The following SFI1 variants were observed in gnomAD, a reference collection of about 807,000 sequenced individuals.
The protein encoded by SFI1 is SFI1 centrin binding protein, also known as protein SFI1 homolog.
Under a neutral mutation model 207.5 loss-of-function variants are expected in SFI1, and 195 were observed. That is an observed-to-expected ratio of 0.94 (90% CI 0.84 to 1.06). The LOEUF (loss-of-function observed/expected upper bound fraction) is 1.06, where lower values mean the gene tolerates loss of function less well. Ranked by LOEUF, SFI1 falls within the 50% of genes least tolerant of loss-of-function variation. SFI1 has a pLI of 0.00. For synonymous variants in SFI1, 630 were observed against 598.9 expected (o/e 1.05, Z -0.76); for missense variants, 1,634 against 1,588.0 (o/e 1.03, Z -0.49).
Position 31,602,613 on chromosome 22 carries a change from C to G in SFI1, c.1633C>G (p.Leu545Val). The change falls in exon 17 of 33, where the codon CTT (leucine) becomes GTT (valine). Residue 545 changes from leucine to valine, a missense_variant. Coordinates refer to ENST00000400288, the MANE Select transcript of SFI1 (RefSeq NM_001007467.3). ...CCTTCCTGTCCTGCCTCAGGCCATC[C>G]TTCACGCAGAGCGACAGCTTCTGTA... ...ENRLAERMAI[L>V]HAERQLLYRS... 6.2e-7 allele frequency: 1 copy of G among 1,614,168 alleles called. No individual in the cohort carries two copies. Among genetic ancestry groups the G allele is most frequent in the Non-Finnish European group, 8.5e-7 (1 of 1,180,028 alleles).
intron 2 of SFI1, among the ~76,000 whole-genome samples, chr22:31,511,894 C>T (rs1005656849): frequency 3.3e-5 from 5 of 152,016 alleles, no homozygotes; most frequent in African/African-American, 7.3e-5. Flanking sequence ...TCAAGTGATC[C>T]GCCTGTCTTG....
chr22:31,600,130 C>T (rs1179644681), intron 15 of SFI1, among the ~76,000 whole-genome samples: 1 of 152,166 alleles, frequency 6.6e-6, no homozygotes, highest in African/African-American at 2.4e-5. Context: ...TCAAGCAATC[C>T]TCCTGCCTCA....
At chr22:31,497,020 C>T (rs778390361) in intron 1 of SFI1, among the ~76,000 whole-genome samples, 2 of 152,332 alleles carry the variant, frequency 1.3e-5, no homozygotes, top group Middle Eastern at 3.4e-3. Context: ...GCTCCGTGGC[C>T]CAGGAGCGGA....
chr22:31,602,586 C>T, intron 16 of SFI1, 21 bp from the exon 17 acceptor site: 2 of 1,613,258 alleles, frequency 1.2e-6, no homozygotes, highest in Non-Finnish European at 1.7e-6. Flanking sequence ...ATTCTGTTCT[C>T]TCCTTCCTGT....
chr22:31,543,249 C>T (rs1265557783), intron 4 of SFI1, among the ~76,000 whole-genome samples: 3 of 152,144 alleles, frequency 2.0e-5, no homozygotes, highest in African/African-American at 7.2e-5. Flanking sequence ...GGATTACAGG[C>T]GTGACCTAAT....
chr22:31,588,352 G>T (rs2065312903), intron 14 of SFI1, among the ~76,000 whole-genome samples: 1 of 152,204 alleles, frequency 6.6e-6, no homozygotes, highest in African/African-American at 2.4e-5. Context: ...CAGTGAACAA[G>T]TCAGAAGCTC....
chr22:31,550,280 A>G lies in SFI1; in HGVS notation c.476A>G (p.Gln159Arg). ...YRYYLYNLMFQTWKTYVRQQQ... is the reference protein window; with the variant it reads ...YRYYLYNLMFRTWKTYVRQQQ... The stretch of plus-strand genomic sequence containing the variant: ...TATTACCTGTACAACCTGATGTTCC[A>G]GACGTGGAAGACCTATGTGCGTCAG... Residue 159 changes from glutamine (Q) to arginine (R), a missense_variant, in exon 6 of 33, where the codon CAG becomes CGG. Coordinates refer to ENST00000400288, the MANE Select transcript of SFI1 (RefSeq NM_001007467.3). 6.2e-7 allele frequency: 1 copy of G among 1,614,118 alleles called. No homozygotes were observed.
At chr22:31,529,305 T>C (rs574374760) in intron 3 of SFI1, among the ~76,000 whole-genome samples, 24 of 152,328 alleles carry the variant, frequency 1.6e-4, no homozygotes, top group African/African-American at 5.5e-4. Context: ...CCCAGCACTT[T>C]GGGAGGCCGA....
intron 4 of SFI1, among the ~76,000 whole-genome samples, chr22:31,545,574 A>ATTTT (rs1555983934): frequency 0.095 from 12,494 of 130,968 alleles, 856 homozygotes; most frequent in East Asian, 0.36. Flanking sequence ...AATTTAATTT[A>ATTTT]ATTTAATTTA....
intron 19 of SFI1, 46 bp from the exon 20 acceptor site, chr22:31,604,823 G>A (rs757926048): frequency 2.6e-6 from 4 of 1,560,154 alleles, no homozygotes; most frequent in Non-Finnish European, 3.5e-6. Context: ...TAAACAGGGG[G>A]AAGTGTGGGC....
chr22:31,500,404 C>G (rs187388020), intron 1 of SFI1, among the ~76,000 whole-genome samples: 4 of 152,046 alleles, frequency 2.6e-5, no homozygotes, highest in African/African-American at 7.2e-5. Flanking sequence ...AATATTACAA[C>G]TCACTGAAGA....
At chr22:31,576,518 T>C (rs1039119547) in intron 10 of SFI1, among the ~76,000 whole-genome samples, 2 of 140,938 alleles carry the variant, frequency 1.4e-5, no homozygotes, top group African/African-American at 5.3e-5. Context: ...ATGGGGTTTC[T>C]CCATGTTGGC....
chr22:31,547,591 A>G (rs946985174), intron 5 of SFI1, among the ~76,000 whole-genome samples: 2 of 151,158 alleles, frequency 1.3e-5, no homozygotes, highest in Admixed American at 6.6e-5. Flanking sequence ...GATTACAGGC[A>G]TGAGTCACCG....
In SFI1 at chr22:31,604,342, C is replaced by G; in HGVS notation, c.1915C>G (p.Leu639Val). Residue 639 changes from leucine to valine, a missense_variant, in exon 19 of 33, where the codon CTG becomes GTG. By Grantham distance (32) the Leu-to-Val change is conservative. Transcript: ENST00000400288. Reference protein sequence around the residue: ...LALRGAERQKLMRADLHHQHS... With the variant: ...LALRGAERQKVMRADLHHQHS... ...CCTGCGGGGAGCGGAGCGGCAGAAGCTGATGCGAGCAGACCTGCACCACCA... is the reference window on the plus strand; with the variant it reads ...CCTGCGGGGAGCGGAGCGGCAGAAGGTGATGCGAGCAGACCTGCACCACCA... 1 of 1,580,552 alleles carries G rather than the reference C, an allele frequency of 6.3e-7. No individual in the cohort carries two copies. The highest frequency in any genetic ancestry group is 8.6e-7 in the Non-Finnish European group (1 of 1,165,402).
At chr22:31,609,098 A>C (rs1241710960) in intron 22 of SFI1, among the ~76,000 whole-genome samples, 1 of 151,980 alleles carries the variant, frequency 6.6e-6, no homozygotes, top group Admixed American at 6.5e-5. Context: ...CTTGGGGTTC[A>C]AGCGAATCTC....
intron 2 of SFI1, among the ~76,000 whole-genome samples, chr22:31,524,181 G>T (rs1457851955): frequency 1.3e-5 from 2 of 151,964 alleles, no homozygotes; most frequent in African/African-American, 4.8e-5. Flanking sequence ...CAGCCTGGGC[G>T]ACAGAGTGAG....
chr22:31,613,632 C>A lies in SFI1; in HGVS notation c.2773C>A (p.Arg925Ser). ...TCACAGTCTCCATCGTGCCGTCCGC[C>A]GCTGTGCCACGCTCTGGAAACAGAA... ...AAHSLHRAVR[R>S]CATLWKQKVL... Residue 925 changes from arginine to serine, a missense_variant, in exon 27 of 33, where the codon CGC becomes AGC. Arg to Ser is a moderately radical substitution (Grantham distance 110). Transcript: ENST00000400288. 6.3e-7 allele frequency: 1 copy of A among 1,595,194 alleles called. No individual in the cohort carries two copies.
intron 14 of SFI1, 50 bp downstream of exon 14, chr22:31,585,184 C>A: frequency 1.3e-6 from 2 of 1,497,260 alleles, no homozygotes; most frequent in Non-Finnish European, 1.9e-6. Context: ...ATTCTTGGAC[C>A]CATTTGCTTT....
intron 12 of SFI1, among the ~76,000 whole-genome samples, chr22:31,582,230 ATATATATTTTTTTTTTTTTT>A (rs1314183953): frequency 3.3e-5 from 1 of 30,580 alleles, no homozygotes; most frequent in African/African-American, 1.3e-4. Context: ...ATATATATAT[ATATATATTTTTTTTTTTTTT>A]TTTTTTTTTT....
Sources: gnomAD v4.1 joint callset for allele counts (sites outside exome capture counted in the v4.1 genomes callset) on GRCh38, gnomAD v4.1.1 for gene constraint, MANE v1.5 for transcripts, NCBI Gene and HGNC (gene_info 2026-07-23, HGNC 2026-07-21) for gene names.